The following ZSWIM5 variants were observed in gnomAD, a reference collection of about 807,000 sequenced individuals.
ZSWIM5 encodes the protein zinc finger SWIM-type containing 5.
Under a neutral mutation model 119.6 loss-of-function variants are expected in ZSWIM5, and 55 were observed. That is an observed-to-expected ratio of 0.46 (90% CI 0.37 to 0.58). The LOEUF is 0.58. Ranked by LOEUF, ZSWIM5 falls within the 20% of genes least tolerant of loss-of-function variation. ZSWIM5 has a pLI of 0.00. For synonymous variants in ZSWIM5, 537 were observed against 606.9 expected, an observed-to-expected ratio of 0.88 and a Z score of 1.69; for missense variants, 1,193 against 1,512.8, an observed-to-expected ratio of 0.79 and a Z score of 3.51.
chr1:45,133,400 C>T (rs1404613148), intron 1 of ZSWIM5, among the ~76,000 whole-genome samples: 2 of 152,210 alleles, frequency 1.3e-5, no homozygotes, highest in Non-Finnish European at 2.9e-5. Context: ...CTGTTGGCTG[C>T]ATAAATGTCT....
chr1:45,044,339 G>A (rs1405609305), intron 5 of ZSWIM5, among the ~76,000 whole-genome samples: 5 of 152,032 alleles, frequency 3.3e-5, no homozygotes, highest in Admixed American at 1.3e-4. Context: ...TGTTATCCCA[G>A]CACTTTGGAA....
chr1:45,180,710 C>T (rs1226736), intron 1 of ZSWIM5, among the ~76,000 whole-genome samples: 26,539 of 151,966 alleles, frequency 0.17, 3,379 homozygotes, highest in African/African-American at 0.35. Flanking sequence ...ACACCTCACA[C>T]GGCTGGGTAC....
Position 45,206,288 on chromosome 1 carries a change from C to T in ZSWIM5, c.63G>A (p.Arg21=). 1.3e-6 allele frequency: 2 copies of T among 1,571,050 alleles called. No homozygotes were observed. Among genetic ancestry groups the T allele is most frequent in the Non-Finnish European group, 1.7e-6 (2 of 1,159,796 alleles). ...CCTGCGGGCTGGGCCACGAACACTG[C>T]CGCTTAGCCGGAGAGACCGGTGACG... is the stretch of plus-strand genomic sequence containing the variant. ...LSPSPVSPAK[R]QCSWPSPQAH... Residue 21 remains arginine (R), a synonymous_variant, in exon 1 of 14, where the codon CGG becomes CGA. Transcript: ENST00000359600.
In ZSWIM5 at chr1:45,057,352, A is replaced by G. The variant is rs191091759; in HGVS notation, c.1252+1257T>C. Among the ~76,000 whole-genome samples, 369 of 152,358 alleles carry G rather than the reference A, an allele frequency of 2.4e-3. 1 individual carries two copies. Among genetic ancestry groups the G allele is most frequent in the Non-Finnish European group, 2.0e-3 (139 of 68,036 alleles). On this transcript the variant is annotated intron_variant, in intron 4 of 13. Coordinates refer to ENST00000359600, the MANE Select transcript of ZSWIM5 (RefSeq NM_020883.2). The surrounding 1 kb of genome is among the most constrained non-coding windows in gnomAD (Gnocchi z 4.7). ...ATTTGTTAGATATGAAAATGCCAGA[A>G]GCAAGAGTTTTTCATAATGAACCCA...
intron 11 of ZSWIM5, among the ~76,000 whole-genome samples, chr1:45,031,302 G>A (rs997110577): frequency 6.7e-6 from 1 of 150,206 alleles, no homozygotes; most frequent in Non-Finnish European, 1.5e-5. Context: ...TCAGCCTCCC[G>A]AGTAGCTGGG....
chr1:45,051,308 G>A (rs765364285), intron 4 of ZSWIM5, 55 bp from the exon 5 acceptor site: 2 of 1,457,510 alleles, frequency 1.4e-6, no homozygotes, highest in Non-Finnish European at 9.2e-7. Flanking sequence ...GTGTGTGTAA[G>A]CCTTAATGTT....
In ZSWIM5 at chr1:45,159,871, G is replaced by A. The variant is rs573419693; in HGVS notation, c.595+45885C>T. Among the ~76,000 whole-genome samples the A allele has an allele frequency of 3.9e-5, 6 of 152,280 alleles. No individual in the cohort carries two copies. In the East Asian group the frequency reaches 5.8e-4, roughly 15 times the overall value. The stretch of plus-strand genomic sequence containing the variant: ...CCCAAAGTGCTGGGATTACAGGTGT[G>A]AGCCACCGTGCCCGGCCTCTCAATT... On this transcript the variant is annotated intron_variant, in intron 1 of 13. Coordinates refer to ENST00000359600, the MANE Select transcript of ZSWIM5 (RefSeq NM_020883.2).
At chr1:45,030,400 C>A (rs1313460671) in intron 11 of ZSWIM5, among the ~76,000 whole-genome samples, 1 of 152,088 alleles carries the variant, frequency 6.6e-6, no homozygotes, top group East Asian at 1.9e-4. Flanking sequence ...GCATGTGCCA[C>A]CATGCCCGGC....
chr1:45,158,552 A>G (rs1645845037), intron 1 of ZSWIM5, among the ~76,000 whole-genome samples: 1 of 152,236 alleles, frequency 6.6e-6, no homozygotes, highest in Non-Finnish European at 1.5e-5. Context: ...CTGGCTCTGC[A>G]TATAACTAGC....
rs140745676 is a variant in ZSWIM5, at chr1:45,135,517, C to T, written c.596-47280G>A. Among the ~76,000 whole-genome samples, 461 of 152,210 alleles carry T rather than the reference C, an allele frequency of 3.0e-3. 3 individuals carry two copies. The highest frequency in any genetic ancestry group is 0.011 in the African/African-American group (439 of 41,534). On this transcript the variant is annotated intron_variant, in intron 1 of 13. Transcript: ENST00000359600. The stretch of plus-strand genomic sequence containing the variant: ...CAATTATTGGTCAAATCTTAGACTT[C>T]GTTATCTATGCTTATGGAATGTCTT...
At chr1:45,135,428 TAAA>T (rs1034046219) in intron 1 of ZSWIM5, among the ~76,000 whole-genome samples, 1 of 152,192 alleles carries the variant, frequency 6.6e-6, no homozygotes, top group Non-Finnish European at 1.5e-5. Context: ...TGTTTTGTCT[TAAA>T]AAACAGATTA....
Position 45,206,459 on chromosome 1 carries a change from G to T in ZSWIM5, c.-109C>A, listed in dbSNP as rs1027394478. On this transcript the variant is annotated 5_prime_UTR_variant, in exon 1 of 14. Transcript: ENST00000359600. ...CAAGCGCCCAGCGGTGGCGCCGAGG[G>T]GGGCGGGGCGAGAGAACCCGCGAGC... 1.3e-5 allele frequency: 16 copies of T among 1,211,688 alleles called. No homozygotes were observed. The highest frequency in any genetic ancestry group is 1.3e-4 in the African/African-American group (8 of 63,442). 75.1% of individuals were successfully genotyped at this position (1,211,688 alleles called of 1,614,324 possible). A position where few individuals can be genotyped will look rare whatever the true frequency, so the allele number is the denominator to read the frequency against.
chr1:45,020,782 G>A lies in ZSWIM5; in HGVS notation c.2456C>T (p.Thr819Ile). Residue 819 changes from threonine to isoleucine, a missense_variant, in exon 12 of 14, where the codon ACT (threonine) becomes ATT (isoleucine). Thr to Ile is a moderately conservative substitution (Grantham distance 89). This residue lies in a region of ZSWIM5 where 961 missense variants were observed against 1,290.0 expected (regional missense o/e 0.74). Transcript: ENST00000359600. ...STMLTAAKGD[T>I]LRLRTILEAI... ...TTCCAGAATTGTTCGGAGTCTCAAA[G>A]TGTCTCCTATAGGTGTCAAGAGAAG... The A allele has an allele frequency of 6.2e-7, 1 of 1,614,058 alleles. No homozygotes were observed.
chr1:45,124,744 G>T (rs1645610369), intron 1 of ZSWIM5, among the ~76,000 whole-genome samples: 1 of 152,060 alleles, frequency 6.6e-6, no homozygotes, highest in African/African-American at 2.4e-5. Context: ...AACAATACAG[G>T]TAAGATTGTA....
At chr1:45,132,089 TACAA>T (rs1409105914) in intron 1 of ZSWIM5, among the ~76,000 whole-genome samples, 3 of 149,954 alleles carry the variant, frequency 2.0e-5, no homozygotes, top group Admixed American at 6.7e-5. Flanking sequence ...TATATAATTT[TACAA>T]ACATTTTATA....
At chr1:45,084,035 G>A (rs890787781) in intron 2 of ZSWIM5, among the ~76,000 whole-genome samples, 1 of 152,006 alleles carries the variant, frequency 6.6e-6, no homozygotes, top group Non-Finnish European at 1.5e-5. Context: ...TCAGCCTCCC[G>A]AGTAGTAGGG....
At chr1:45,027,022 TTTA>T (rs1478909265) in intron 11 of ZSWIM5, among the ~76,000 whole-genome samples, 2 of 152,116 alleles carry the variant, frequency 1.3e-5, no homozygotes, top group Non-Finnish European at 2.9e-5. Context: ...AAATTTTTTT[TTTA>T]TTATCCTTTT....
At chr1:45,064,314 G>A (rs991644020) in intron 2 of ZSWIM5, among the ~76,000 whole-genome samples, 1 of 151,884 alleles carries the variant, frequency 6.6e-6, no homozygotes, top group African/African-American at 2.4e-5. Context: ...TTTTACATTA[G>A]AATTTTGCAT....
intron 1 of ZSWIM5, among the ~76,000 whole-genome samples, chr1:45,200,853 A>C (rs1414803681): frequency 6.6e-6 from 1 of 152,222 alleles, no homozygotes; most frequent in Non-Finnish European, 1.5e-5. Context: ...TGCAACAAGA[A>C]ACAAGTATGA....
Sources: allele counts gnomAD v4.1 joint callset (sites outside exome capture counted in the v4.1 genomes callset), GRCh38; gene constraint gnomAD v4.1.1; regional missense constraint gnomAD v4.1.1; non-coding constraint Gnocchi (gnomAD v3.1); transcripts MANE v1.5; gene names NCBI Gene and HGNC (gene_info 2026-07-23, HGNC 2026-07-21).